The following HEXA variants were observed in gnomAD, a reference collection of about 807,000 sequenced individuals.
The protein encoded by HEXA is hexosaminidase subunit alpha, also known as beta-hexosaminidase subunit alpha.
A neutral mutation model predicts 73.3 loss-of-function variants in HEXA; 54 were observed. That is an observed-to-expected ratio of 0.74 (90% CI 0.59 to 0.92). HEXA has a LOEUF of 0.92. Ranked by LOEUF, HEXA falls within the 40% of genes least tolerant of loss-of-function variation. The pLI is 0.00. For synonymous variants in HEXA, 230 were observed against 246.9 expected (o/e 0.93, Z 0.64); for missense variants, 649 against 653.0 (o/e 0.99, Z 0.07).
chr15:72,375,909 C>T lies in HEXA; in HGVS notation c.64G>A (p.Ala22Thr), dbSNP rs756218457. 81 of 1,614,180 alleles carry T rather than the reference C, an allele frequency of 5.0e-5. No homozygotes were observed. Among genetic ancestry groups the T allele is most frequent in the Non-Finnish European group, 6.4e-5 (76 of 1,180,042 alleles). ...AAGTTCTGAGGCCAGGGCCAGAGGG[C>T]CGTCGCCCGTCCTGCGAACGCTGCC... is the stretch of plus-strand genomic sequence containing the variant. ...LAAAFAGRAT[A>T]LWPWPQNFQT... Residue 22 changes from alanine to threonine, a missense_variant, in exon 1 of 14, where the codon GCC (alanine) becomes ACC (threonine). Transcript: ENST00000268097.
intron 3 of HEXA, chr15:72,354,646 GA>G (rs2088748723): frequency 6.6e-6 from 1 of 152,346 alleles, no homozygotes; most frequent in Non-Finnish European, 1.5e-5. Context: ...GCACCTGCAT[GA>G]AAGGTACAAG....
intron 7 of HEXA, chr15:72,350,086 G>A: frequency 3.9e-6 from 1 of 257,902 alleles, no homozygotes; most frequent in South Asian, 4.6e-5. Context: ...TTTCTATCAG[G>A]CCAGTAGCCC....
At chr15:72,348,777 A>G (rs1482342471) in intron 8 of HEXA, among the ~76,000 whole-genome samples, 1 of 152,238 alleles carries the variant, frequency 6.6e-6, no homozygotes, top group Admixed American at 6.5e-5. Context: ...TTAAGCCTTC[A>G]TAAACAGGGA....
At chr15:72,354,300 G>C (rs2088742903) in intron 3 of HEXA, 1 of 159,176 alleles carries the variant, frequency 6.3e-6, no homozygotes, top group Non-Finnish European at 1.4e-5. Flanking sequence ...AGGGAGCTGA[G>C]GTGTGGTGGA....
chr15:72,353,457 A>T (rs570948892), intron 4 of HEXA, among the ~76,000 whole-genome samples: 1 of 152,358 alleles, frequency 6.6e-6, no homozygotes, highest in African/African-American at 2.4e-5. Context: ...TCTTCAAAGC[A>T]GTGTGGCCTC....
Position 72,343,697 on chromosome 15 carries a change from C to A in HEXA, c.*380G>T, listed in dbSNP as rs760592453. 1 of 304,532 alleles carries A rather than the reference C, an allele frequency of 3.3e-6. No individual in the cohort carries two copies. The highest frequency in any genetic ancestry group is 6.5e-6 in the Non-Finnish European group (1 of 154,056). The allele number at this position is 304,532 out of a possible 1,614,324, so 18.9% of individuals were successfully genotyped here. ...GCAGGCTGAGGATTAGGGCAGGTGT[C>A]TGGAATATGGTCAGGAGTGGGAGGG... On this transcript the variant is annotated 3_prime_UTR_variant, in exon 14 of 14. Transcript: ENST00000268097.
chr15:72,350,666 C>T lies in HEXA; in HGVS notation c.673-16G>A. 2 of 1,614,018 alleles carry T rather than the reference C, an allele frequency of 1.2e-6. No homozygotes were observed. Among genetic ancestry groups the T allele is most frequent in the Non-Finnish European group, 1.7e-6 (2 of 1,179,978 alleles). On this transcript the variant is annotated splice_polypyrimidine_tract_variant and intron_variant, in intron 6 of 13. Coordinates refer to ENST00000268097, the MANE Select transcript of HEXA (RefSeq NM_000520.6). ...TGTAGGACCCCTGAAAGGCACAAGA[C>T]ACCCTTCAGGTTCACACTTCCTGAA...
In HEXA at chr15:72,375,825, C is replaced by T. The variant is rs757285705; in HGVS notation, c.148G>A (p.Val50Ile). ...YPNNFQFQYD[V>I]SSAAQPGCSV... ...CAGCCGGGCTGCGCGGCCGAGCTGA[C>T]ATCGTACTGGAATTGAAAGTTGTTC... The change falls in exon 1 of 14, where the codon GTC becomes ATC. Residue 50 changes from valine (V) to isoleucine (I), a missense_variant. By Grantham distance (29) the Val-to-Ile change is conservative. Coordinates refer to ENST00000268097, the MANE Select transcript of HEXA (RefSeq NM_000520.6). 3.1e-6 allele frequency: 5 copies of T among 1,614,164 alleles called. No individual in the cohort carries two copies. Among genetic ancestry groups the T allele is most frequent in the Non-Finnish European group, 4.2e-6 (5 of 1,180,056 alleles).
intron 1 of HEXA, among the ~76,000 whole-genome samples, chr15:72,361,355 C>T (rs188945108): frequency 1.3e-5 from 2 of 152,266 alleles, no homozygotes; most frequent in Non-Finnish European, 2.9e-5. Context: ...TTTACCAATC[C>T]CAATGTACTA....
At chr15:72,347,142 G>A (rs2088626085) in intron 10 of HEXA, among the ~76,000 whole-genome samples, 1 of 101,488 alleles carries the variant, frequency 9.9e-6, no homozygotes, top group Non-Finnish European at 2.5e-5. Flanking sequence ...AGACCCAGAA[G>A]ACCCTCATCT....
Position 72,353,121 on chromosome 15 carries a change from G to A in HEXA, c.517C>T (p.Leu173=), listed in dbSNP as rs200743199. ...AGGTAATGGCGAGATGTATCCAACAGCAAGCCCCGGTGAGGAAAGCGGGGA... is the reference window on the plus strand; with the variant it reads ...AGGTAATGGCGAGATGTATCCAACAACAAGCCCCGGTGAGGAAAGCGGGGA... ...DFPRFPHRGL[L]LDTSRHYLPL... Residue 173 remains leucine (L), a synonymous_variant, in exon 5 of 14, where the codon CTG becomes TTG. Transcript: ENST00000268097. 163 of 1,613,636 alleles carry A rather than the reference G, an allele frequency of 1.0e-4. No individual in the cohort carries two copies. Among genetic ancestry groups the A allele is most frequent in the Admixed American group, 6.2e-4 (37 of 59,990 alleles).
intron 1 of HEXA, among the ~76,000 whole-genome samples, chr15:72,367,063 C>A (rs1445113400): frequency 6.6e-6 from 1 of 152,140 alleles, no homozygotes; most frequent in Non-Finnish European, 1.5e-5. Flanking sequence ...GCTGCCTCAG[C>A]CTCCAGAGTA....
At chr15:72,369,316 GA>G (rs1193311844) in intron 1 of HEXA, among the ~76,000 whole-genome samples, 1 of 152,164 alleles carries the variant, frequency 6.6e-6, no homozygotes, top group Non-Finnish European at 1.5e-5. Flanking sequence ...TCACACCACA[GA>G]AAACTCTTCA....
At chr15:72,358,852 T>C (rs2140330611) in intron 1 of HEXA, 1 of 152,322 alleles carries the variant, frequency 6.6e-6, no homozygotes, top group South Asian at 2.1e-4. Flanking sequence ...ACCACTGTGG[T>C]TTTCCGCCTC....
intron 13 of HEXA, among the ~76,000 whole-genome samples, chr15:72,344,774 A>C (rs2088588259): frequency 3.9e-5 from 6 of 152,186 alleles, no homozygotes; most frequent in Admixed American, 3.3e-4. Flanking sequence ...GCTCTGCACT[A>C]GGCTATGTCC....
In HEXA at chr15:72,348,148, G is replaced by A. The variant is rs766562662; in HGVS notation, c.987-14C>T. 6.4e-7 allele frequency: 1 copy of A among 1,569,528 alleles called. No homozygotes were observed. The highest frequency in any genetic ancestry group is 8.8e-7 in the Non-Finnish European group (1 of 1,139,388). Reference sequence around the variant, plus strand: ...GGGTTGGACTTCCTGAATCCCAAGAGAAAATGAAGATTAATCTTTCAACAT... The same window carrying A: ...GGGTTGGACTTCCTGAATCCCAAGAAAAAATGAAGATTAATCTTTCAACAT... On this transcript the variant is annotated splice_polypyrimidine_tract_variant and intron_variant, in intron 8 of 13. Coordinates refer to ENST00000268097, the MANE Select transcript of HEXA (RefSeq NM_000520.6).
chr15:72,370,071 G>A (rs2088969043), intron 1 of HEXA: 1 of 147,480 alleles, frequency 6.8e-6, no homozygotes, highest in Admixed American at 6.9e-5. Context: ...GTTATCCTCG[G>A]AAATGTCTGG....
In HEXA at chr15:72,345,925, C is replaced by G; in HGVS notation, c.1421+310G>C. ...AAAACAGCAGAGGGAAGCCTTATTA[C>G]AGGAATCATGGATGCTTGTGCTGGG... is the stretch of plus-strand genomic sequence containing the variant. On this transcript the variant is annotated intron_variant, in intron 12 of 13. Transcript: ENST00000268097. 1.1e-5 allele frequency: 6 copies of G among 533,756 alleles called. 1 individual carries two copies. The South Asian group carries it at 1.2e-4, about 11-fold the overall frequency. The allele number at this position is 533,756 out of a possible 1,614,324, so 33.1% of individuals were successfully genotyped here.
At chr15:72,346,480 C>T (rs775571839) in intron 11 of HEXA, 47 bp downstream of exon 11, 2 of 1,596,748 alleles carry the variant, frequency 1.3e-6, no homozygotes, top group South Asian at 1.1e-5. Flanking sequence ...CATCCTGTGC[C>T]CCAACCCAGC....
Sources: gnomAD v4.1 joint callset for allele counts (sites outside exome capture counted in the v4.1 genomes callset) on GRCh38, gnomAD v4.1.1 for gene constraint, MANE v1.5 for transcripts, NCBI Gene and HGNC (gene_info 2026-07-23, HGNC 2026-07-21) for gene names.